The following NWD1 variants were observed in gnomAD, a reference collection of about 807,000 sequenced individuals.
NWD1 encodes NACHT domain- and WD repeat-containing protein 1.
Under a neutral mutation model 135.1 loss-of-function variants are expected in NWD1, and 129 were observed. The ratio of observed to expected loss-of-function variants is 0.96; its 90% CI spans 0.83 to 1.11. The LOEUF (loss-of-function observed/expected upper bound fraction) is 1.11. NWD1 is among the 50% of genes least tolerant of loss of function. The pLI, the probability that NWD1 is intolerant of heterozygous loss-of-function variation, is 0.00. For missense variants in NWD1, 1,740 were observed against 1,851.3 expected, an observed-to-expected ratio of 0.94 and a Z score of 1.10; for synonymous variants, 773 against 786.0, an observed-to-expected ratio of 0.98 and a Z score of 0.28.
chr19:16,744,356 G>T, intron 4 of NWD1, 65 bp from the exon 5 acceptor site: 1 of 1,430,462 alleles, frequency 7.0e-7, no homozygotes, highest in South Asian at 1.2e-5. Context: ...CAGCCTGGGC[G>T]ACAGAGCAAG....
intron 12 of NWD1, among the ~76,000 whole-genome samples, chr19:16,782,178 A>T (rs1361283591): frequency 6.6e-6 from 1 of 151,572 alleles, no homozygotes; most frequent in African/African-American, 2.4e-5. Context: ...TTATTTAATT[A>T]ATAAAACAGG....
At chr19:16,787,368 G>A (rs965989355) in intron 12 of NWD1, among the ~76,000 whole-genome samples, 5 of 152,050 alleles carry the variant, frequency 3.3e-5, no homozygotes, top group African/African-American at 1.2e-4. Flanking sequence ...TTTTTTACGT[G>A]GTTATTAATT....
chr19:16,781,263 A>G (rs543050344), intron 12 of NWD1, among the ~76,000 whole-genome samples: 5 of 152,158 alleles, frequency 3.3e-5, no homozygotes, highest in Non-Finnish European at 5.9e-5. Flanking sequence ...GATGATTCCC[A>G]CAGTAGAGTT....
Position 16,731,218 on chromosome 19 carries a change from C to G in NWD1, c.21C>G (p.Cys7Trp). The part of the protein sequence containing the change: MQRGKP[C>W]RALPTLKCQT... ...TATGGATGCAGAGAGGGAAGCCCTGCAGAGCACTGCCTACCCTGAAGTGCC... is the reference window on the plus strand; with the variant it reads ...TATGGATGCAGAGAGGGAAGCCCTGGAGAGCACTGCCTACCCTGAAGTGCC... The change falls in exon 3 of 19, where the codon TGC becomes TGG. Residue 7 changes from cysteine (C) to tryptophan (W), a missense_variant. Transcript: ENST00000524140. The G allele has an allele frequency of 6.5e-7, 1 of 1,534,372 alleles. No homozygotes were observed. The highest frequency in any genetic ancestry group is 1.2e-5 in the South Asian group (1 of 84,008).
intron 9 of NWD1, 78 bp from the exon 10 acceptor site, chr19:16,764,954 GGA>G (rs763433638): frequency 5.5e-6 from 8 of 1,467,290 alleles, no homozygotes; most frequent in Non-Finnish European, 7.5e-6. Flanking sequence ...TGGAGGAAAT[GGA>G]GAGATGATTC....
intron 8 of NWD1, among the ~76,000 whole-genome samples, chr19:16,763,225 C>T (rs1433935803): frequency 3.3e-5 from 5 of 152,056 alleles, no homozygotes. Flanking sequence ...CACCTAGCCT[C>T]TCAGTCTCTT....
chr19:16,787,025 C>T (rs968644450), intron 12 of NWD1, among the ~76,000 whole-genome samples: 2 of 152,146 alleles, frequency 1.3e-5, no homozygotes, highest in African/African-American at 2.4e-5. Context: ...AGTTTATCCT[C>T]CTGAAGTTTT....
At chr19:16,776,874 C>T (rs1210766622) in intron 11 of NWD1, among the ~76,000 whole-genome samples, 7 of 127,828 alleles carry the variant, frequency 5.5e-5, no homozygotes, top group Non-Finnish European at 1.1e-4. Context: ...CCCAAGAGTT[C>T]GAGGCTGCAG....
At chr19:16,778,982 C>A (rs556918817) in intron 11 of NWD1, among the ~76,000 whole-genome samples, 1 of 152,288 alleles carries the variant, frequency 6.6e-6, no homozygotes, top group African/African-American at 2.4e-5. Flanking sequence ...GGCCTGCACC[C>A]ACCAGATGGC....
At chr19:16,738,553 A>G (rs1315284720) in intron 4 of NWD1, among the ~76,000 whole-genome samples, 2 of 138,200 alleles carry the variant, frequency 1.4e-5, no homozygotes, top group East Asian at 4.0e-4. Flanking sequence ...TGCGCAACAG[A>G]CGGAGACTCT....
intron 6 of NWD1, among the ~76,000 whole-genome samples, chr19:16,756,898 A>G (rs1449421635): frequency 3.9e-5 from 6 of 152,188 alleles, no homozygotes; most frequent in African/African-American, 1.4e-4. Context: ...AGATTCTCAT[A>G]AGAGCACAAA....
chr19:16,725,914 C>T lies in NWD1; in HGVS notation c.-7+1451C>T, dbSNP rs376435260. On this transcript the variant is annotated intron_variant, in intron 2 of 18. Transcript: ENST00000524140. ...TCAGCCTCCCAAGTAGCTGGGACAA[C>T]AGGCAGGCACCATCATGCCATAGCT... is the stretch of plus-strand genomic sequence containing the variant. 9.2e-5 allele frequency among the ~76,000 whole-genome samples: 14 copies of T among 152,040 alleles called. No homozygotes were observed. The South Asian group carries it at 2.7e-3, about 29-fold the overall frequency.
At chr19:16,773,994 T>C (rs1969509046) in intron 11 of NWD1, among the ~76,000 whole-genome samples, 1 of 123,686 alleles carries the variant, frequency 8.1e-6, no homozygotes, top group Admixed American at 8.5e-5. Context: ...ACCTTCCTAC[T>C]CTTCCATCCA....
intron 5 of NWD1, among the ~76,000 whole-genome samples, chr19:16,748,357 A>T (rs1292174634): frequency 6.6e-6 from 1 of 152,020 alleles, no homozygotes; most frequent in Non-Finnish European, 1.5e-5. Context: ...GGGTGTATTA[A>T]TATTTGTTGG....
chr19:16,816,749 G>A lies in NWD1; in HGVS notation c.*1710G>A, dbSNP rs1365331160. 6.6e-6 allele frequency: 1 copy of A among 152,172 alleles called. No homozygotes were observed. Among genetic ancestry groups the A allele is most frequent in the Non-Finnish European group, 1.5e-5 (1 of 68,032 alleles). The allele number at this position is 152,172 out of a possible 1,614,324, so 9.4% of individuals were successfully genotyped here. A position where few individuals can be genotyped will look rare whatever the true frequency, so the allele number is the denominator to read the frequency against. ...AATTCCTGATAGAGTCTCAATAAAA[G>A]CAACCTTAGAAACAGAGGCTTTTGA... On this transcript the variant is annotated 3_prime_UTR_variant, in exon 19 of 19. Transcript: ENST00000524140.
At chr19:16,741,360 G>A (rs1234177243) in intron 4 of NWD1, among the ~76,000 whole-genome samples, 2 of 135,262 alleles carry the variant, frequency 1.5e-5, no homozygotes, top group Non-Finnish European at 3.1e-5. Flanking sequence ...GTTTTGTTTT[G>A]TTTTTGTGTT....
intron 12 of NWD1, among the ~76,000 whole-genome samples, chr19:16,787,190 G>A (rs1970066983): frequency 6.6e-6 from 1 of 151,848 alleles, no homozygotes; most frequent in African/African-American, 2.4e-5. Context: ...GCAGAGGAGT[G>A]ATCATAGCTC....
intron 18 of NWD1, among the ~76,000 whole-genome samples, chr19:16,810,047 TTGTG>T (rs1198181561): frequency 6.6e-6 from 1 of 152,134 alleles, no homozygotes; most frequent in Non-Finnish European, 1.5e-5. Flanking sequence ...AAGGATTTTT[TTGTG>T]TGTGTGTTTT....
Position 16,800,083 on chromosome 19 carries a change from A to T in NWD1, c.3657A>T (p.Ala1219=), listed in dbSNP as rs752873444. The T allele has an allele frequency of 1.1e-5, 18 of 1,614,042 alleles. No individual in the cohort carries two copies. The highest frequency in any genetic ancestry group is 1.4e-5 in the Non-Finnish European group (17 of 1,179,996). ...APFLDRTGLT[A]VSHNGSYVYF... ...TTCTGGACCGCACCGGCCTCACCGC[A>T]GTGTCCCACAATGGAAGCTACGTCT... The change falls in exon 17 of 19, where the codon GCA becomes GCT. Residue 1219 remains alanine, a synonymous_variant. Coordinates refer to ENST00000524140, the MANE Select transcript of NWD1 (RefSeq NM_001007525.5).
Sources: allele counts gnomAD v4.1 joint callset (sites outside exome capture counted in the v4.1 genomes callset), GRCh38; gene constraint gnomAD v4.1.1; transcripts MANE v1.5; gene names NCBI Gene and HGNC (gene_info 2026-07-23, HGNC 2026-07-21).